Variants in IMPA2 observed in about 807,000 individuals in gnomAD.
The protein encoded by IMPA2 is IMP 2.
Under a neutral mutation model 35.1 loss-of-function variants are expected in IMPA2, and 32 were observed. The observed-to-expected ratio is 0.91, with a 90% CI of 0.69 to 1.23. The LOEUF (loss-of-function observed/expected upper bound fraction) is 1.23. IMPA2 is among the 50% of genes most tolerant of loss of function. IMPA2 has a pLI of 0.00. For missense variants in IMPA2, 334 were observed against 387.6 expected (o/e 0.86, Z 1.16); for synonymous variants, 135 against 160.6 (o/e 0.84, Z 1.20).
intron 2 of IMPA2, among the ~76,000 whole-genome samples, chr18:12,004,896 C>G (rs375497315): frequency 6.6e-6 from 1 of 152,202 alleles, no homozygotes. Context: ...CATCTGTCTA[C>G]AGTCATGTCT....
rs528426428 is a variant in IMPA2 at position 12,001,877 on chromosome 18, A to G, written c.230+2690A>G. On this transcript the variant is annotated intron_variant, in intron 2 of 7. Transcript: ENST00000269159. ...TTGAAATCTGGGGTTCCCAAGCTCT[A>G]GCCCACAAGTCAGTGGACTGTGGCT... 3.3e-5 allele frequency among the ~76,000 whole-genome samples: 5 copies of G among 152,338 alleles called. No homozygotes were observed. In the East Asian group the frequency reaches 9.7e-4, roughly 29 times the overall value.
rs747334850 is a variant in IMPA2, at chr18:12,030,369, A to C, written c.778A>C (p.Arg260=). 3.7e-6 allele frequency: 6 copies of C among 1,614,180 alleles called. No homozygotes were observed. Among genetic ancestry groups the C allele is most frequent in the Non-Finnish European group, 5.1e-6 (6 of 1,180,032 alleles). The change falls in exon 8 of 8, where the codon AGA becomes CGA. Residue 260 remains arginine, a synonymous_variant. Coordinates refer to ENST00000269159, the MANE Select transcript of IMPA2 (RefSeq NM_014214.3). ...SGGPLDLMAC[R]VVAASTREMA... is the part of the protein sequence containing the mutation. Reference sequence around the variant, plus strand: ...TGGACCCCTCGACCTCATGGCTTGCAGAGTGGTTGCGGCCAGCACCCGGGA... The same window carrying C: ...TGGACCCCTCGACCTCATGGCTTGCCGAGTGGTTGCGGCCAGCACCCGGGA...
At chr18:11,990,082 C>G (rs1906771420) in intron 1 of IMPA2, among the ~76,000 whole-genome samples, 1 of 152,174 alleles carries the variant, frequency 6.6e-6, no homozygotes, top group East Asian at 1.9e-4. Context: ...TGCGTCTTCT[C>G]TCTTCTGTGG....
chr18:11,999,315 A>C, intron 2 of IMPA2, 128 bp downstream of exon 2: 1 of 775,938 alleles, frequency 1.3e-6, no homozygotes, highest in Non-Finnish European at 2.0e-6. Flanking sequence ...TAAGCCACGC[A>C]GCCTAACCTG....
intron 2 of IMPA2, among the ~76,000 whole-genome samples, chr18:12,006,060 G>A (rs16976926): frequency 0.021 from 3,173 of 152,240 alleles, 95 homozygotes; most frequent in African/African-American, 0.072. Flanking sequence ...CTTTAAAAAC[G>A]TCATTGCAAG....
chr18:11,989,362 C>G (rs985715589), intron 1 of IMPA2, among the ~76,000 whole-genome samples: 4 of 152,280 alleles, frequency 2.6e-5, no homozygotes, highest in Admixed American at 1.3e-4. Context: ...GCTCCTGCCT[C>G]GCCTGGTCCA....
chr18:12,003,090 G>C (rs187540347), intron 2 of IMPA2, among the ~76,000 whole-genome samples: 1 of 152,056 alleles, frequency 6.6e-6, no homozygotes, highest in Admixed American at 6.5e-5. Context: ...AGCTACTCAG[G>C]AGGCTGAGGC....
In IMPA2 at chr18:11,984,743, A is replaced by G. The variant is rs368967121; in HGVS notation, c.96+2978A>G. 5.9e-5 allele frequency among the ~76,000 whole-genome samples: 9 copies of G among 151,954 alleles called. No individual in the cohort carries two copies. The East Asian group carries it at 1.2e-3, about 20-fold the overall frequency. On this transcript the variant is annotated intron_variant, in intron 1 of 7. Transcript: ENST00000269159. ...AGCACTTTGGGAGGCCGAGGTGGGC[A>G]GATCACAAGGTCAGGAGATCAAGAC... is the stretch of plus-strand genomic sequence containing the variant.
chr18:12,018,902 G>A (rs1448808858), intron 5 of IMPA2, among the ~76,000 whole-genome samples: 1 of 152,106 alleles, frequency 6.6e-6, no homozygotes, highest in Non-Finnish European at 1.5e-5. Context: ...GTAGCTCAAT[G>A]CAGCCCCAAC....
chr18:11,986,999 C>T (rs1214417227), intron 1 of IMPA2, among the ~76,000 whole-genome samples: 2 of 152,164 alleles, frequency 1.3e-5, no homozygotes, highest in Non-Finnish European at 2.9e-5. Context: ...TTGCATTTGT[C>T]TAGTTTTCTG....
intron 2 of IMPA2, chr18:12,008,690 A>T (rs1907348156): frequency 7.8e-6 from 3 of 384,746 alleles, no homozygotes; most frequent in Non-Finnish European, 1.6e-5. Context: ...ATGGGGCGAG[A>T]GTGCTTTCCC....
intron 5 of IMPA2, among the ~76,000 whole-genome samples, chr18:12,025,876 G>A (rs745698930): frequency 1.3e-4 from 19 of 151,982 alleles, no homozygotes; most frequent in Non-Finnish European, 2.1e-4. Flanking sequence ...GCTTTGTCTC[G>A]TTGTTAATCT....
At position 12,028,954 on chromosome 18, in the gene IMPA2, A is replaced by G. The variant is rs766935171; in HGVS notation, c.712A>G (p.Ile238Val). 5 of 1,614,016 alleles carry G rather than the reference A, an allele frequency of 3.1e-6. No homozygotes were observed. The South Asian group carries it at 4.4e-5, about 14-fold the overall frequency. ...HCWDLAAATV[I>V]IREAGGIVID... ...CTGGGATCTGGCGGCTGCCACAGTC[A>G]TCATCAGAGAAGCAGGCGGCATCGT... Residue 238 changes from isoleucine (I) to valine (V), a missense_variant, in exon 7 of 8, where the codon ATC (isoleucine) becomes GTC (valine). Physicochemically the swap from Ile to Val is conservative, Grantham distance 29. Transcript: ENST00000269159.
Position 12,019,730 on chromosome 18 carries a change from T to C in IMPA2, c.490+5357T>C, listed in dbSNP as rs1178431673. On this transcript the variant is annotated intron_variant, in intron 5 of 7. Coordinates refer to ENST00000269159, the MANE Select transcript of IMPA2 (RefSeq NM_014214.3). ...TTGGTCGTTTGGGAAATGGTTTCAC[T>C]GAGATTTTCAGCGCTTCTAAGTGCT... is the stretch of plus-strand genomic sequence containing the variant. Among the ~76,000 whole-genome samples the C allele has an allele frequency of 2.0e-5, 3 of 152,114 alleles. No individual in the cohort carries two copies. In the East Asian group the frequency reaches 5.8e-4, roughly 29 times the overall value.
intron 5 of IMPA2, among the ~76,000 whole-genome samples, chr18:12,019,500 T>C (rs1907671620): frequency 6.6e-6 from 1 of 150,632 alleles, no homozygotes; most frequent in Middle Eastern, 3.4e-3. Flanking sequence ...ACTCCTGACC[T>C]GAAGTGATCC....
chr18:12,017,707 T>A (rs1169751479), intron 5 of IMPA2: 3 of 358,096 alleles, frequency 8.4e-6, no homozygotes, highest in Non-Finnish European at 1.6e-5. Flanking sequence ...TCCTGCCTCA[T>A]CCTCCTGAGT....
At chr18:11,985,007 G>A (rs1427470232) in intron 1 of IMPA2, among the ~76,000 whole-genome samples, 1 of 150,720 alleles carries the variant, frequency 6.6e-6, no homozygotes, top group African/African-American at 2.4e-5. Context: ...AGTCGAGCGT[G>A]GTGGCACACG....
At chr18:11,987,939 T>C (rs1312948074) in intron 1 of IMPA2, among the ~76,000 whole-genome samples, 1 of 152,074 alleles carries the variant, frequency 6.6e-6, no homozygotes, top group Non-Finnish European at 1.5e-5. Flanking sequence ...GTTGGTATTT[T>C]ATTGTAGTTT....
intron 5 of IMPA2, among the ~76,000 whole-genome samples, chr18:12,019,882 AT>A (rs566639639): frequency 0.012 from 1,830 of 152,250 alleles, 30 homozygotes; most frequent in African/African-American, 0.038. Flanking sequence ...AAATAAAAAA[AT>A]ATATATATTT....
Sources: allele counts gnomAD v4.1 joint callset (sites outside exome capture counted in the v4.1 genomes callset), GRCh38; gene constraint gnomAD v4.1.1; transcripts MANE v1.5; gene names NCBI Gene and HGNC (gene_info 2026-07-23, HGNC 2026-07-21).